ADD3: variants seen among roughly 807,000 people sequenced by gnomAD.
ADD3 encodes the protein gamma-adducin.
In ADD3, 25 loss-of-function variants were observed where a neutral mutation model predicts 80.2. The observed-to-expected ratio is 0.31, with a 90% CI of 0.23 to 0.44. ADD3 has a LOEUF of 0.44. ADD3 is among the 20% of genes least tolerant of loss of function. The pLI is 1.00. For missense variants in ADD3, 829 were observed against 847.5 expected (o/e 0.98, Z 0.27); for synonymous variants, 284 against 289.6 (o/e 0.98, Z 0.20).
chr10:110,037,599 A>G (rs1418411871), intron 1 of ADD3, among the ~76,000 whole-genome samples: 1 of 144,112 alleles, frequency 6.9e-6, no homozygotes, highest in African/African-American at 2.6e-5. Flanking sequence ...GGCAAGACTC[A>G]GTCTCAAAAA....
At chr10:110,094,384 CTCA>C (rs2133894931) in intron 1 of ADD3, among the ~76,000 whole-genome samples, 1 of 152,240 alleles carries the variant, frequency 6.6e-6, no homozygotes, top group African/African-American at 2.4e-5. Flanking sequence ...ATAGTTTCCT[CTCA>C]TCTGTAAAAA....
At chr10:110,070,160 G>A (rs1844489422) in intron 1 of ADD3, among the ~76,000 whole-genome samples, 1 of 151,926 alleles carries the variant, frequency 6.6e-6, no homozygotes, top group African/African-American at 2.4e-5. Context: ...CTTTCAAATA[G>A]GCTCCTTTCT....
intron 12 of ADD3, 63 bp from the exon 13 acceptor site, chr10:110,130,300 G>A: frequency 1.3e-6 from 2 of 1,528,074 alleles, no homozygotes; most frequent in Non-Finnish European, 1.8e-6. Context: ...ATAGATGGAT[G>A]GATGGATAGA....
intron 1 of ADD3, among the ~76,000 whole-genome samples, chr10:110,096,634 G>A (rs1848195475): frequency 2.6e-5 from 4 of 152,102 alleles, no homozygotes; most frequent in Admixed American, 2.6e-4. Context: ...GGACAGCTGG[G>A]CCTCTTTCTC....
chr10:110,065,488 GTCTC>G (rs67149777), intron 1 of ADD3, among the ~76,000 whole-genome samples: 120 of 108,176 alleles, frequency 1.1e-3, no homozygotes, highest in Middle Eastern at 4.2e-3. Flanking sequence ...GTCTCTGTCT[GTCTC>G]TCTCTCTCTC....
intron 1 of ADD3, among the ~76,000 whole-genome samples, chr10:110,029,187 A>T (rs886730623): frequency 2.0e-5 from 3 of 151,978 alleles, no homozygotes; most frequent in African/African-American, 7.2e-5. Context: ...CTCACTTTCC[A>T]TTTCTTCAAA....
chr10:110,067,827 A>G (rs1230389521), intron 1 of ADD3, among the ~76,000 whole-genome samples: 5 of 152,220 alleles, frequency 3.3e-5, no homozygotes, highest in African/African-American at 9.6e-5. Context: ...TAAGGTATAC[A>G]TCGCTTTTCT....
chr10:110,043,632 T>G (rs963381316), intron 1 of ADD3, among the ~76,000 whole-genome samples: 1 of 152,226 alleles, frequency 6.6e-6, no homozygotes, highest in East Asian at 1.9e-4. Flanking sequence ...AAAAGCTATG[T>G]TAGTCTCTTG....
chr10:110,058,111 T>TTC (rs1719036660), intron 1 of ADD3, among the ~76,000 whole-genome samples: 1 of 149,312 alleles, frequency 6.7e-6, no homozygotes, highest in South Asian at 2.1e-4. Flanking sequence ...CCTGAAGATT[T>TTC]TTTTTTTTTT....
intron 1 of ADD3, among the ~76,000 whole-genome samples, chr10:110,020,767 T>C (rs1346440445): frequency 6.6e-6 from 1 of 152,188 alleles, no homozygotes; most frequent in Non-Finnish European, 1.5e-5. Context: ...TTGATTGGAT[T>C]CTGGATATAT....
At chr10:110,113,410 G>A (rs1850302442) in intron 3 of ADD3, among the ~76,000 whole-genome samples, 1 of 152,076 alleles carries the variant, frequency 6.6e-6, no homozygotes, top group African/African-American at 2.4e-5. Flanking sequence ...TGGTATTACA[G>A]GTGCGCGCCA....
At chr10:110,016,420 A>C (rs1439126491) in intron 1 of ADD3, 3 of 152,254 alleles carry the variant, frequency 2.0e-5, no homozygotes, top group African/African-American at 7.2e-5. Flanking sequence ...GGAAAAGAGA[A>C]ACCTGAAGAA....
At chr10:110,040,911 A>ACGCGCTCTCTCTCTCT (rs1409411445) in intron 1 of ADD3, among the ~76,000 whole-genome samples, 10 of 150,850 alleles carry the variant, frequency 6.6e-5, no homozygotes, top group Non-Finnish European at 1.3e-4. Flanking sequence ...ACTTGCACGC[A>ACGCGCTCTCTCTCTCT]CGCGCTCTCT....
chr10:110,006,812 A>G (rs189970559), upstream of ADD3, among the ~76,000 whole-genome samples: 191 of 151,694 alleles, frequency 1.3e-3, 2 homozygotes, highest in African/African-American at 4.5e-3. Context: ...TCTGCAGATG[A>G]GGAAAGGAAA....
chr10:110,063,634 C>T (rs1843465441), intron 1 of ADD3, among the ~76,000 whole-genome samples: 1 of 149,684 alleles, frequency 6.7e-6, no homozygotes, highest in Non-Finnish European at 1.5e-5. Context: ...TTTTAAATCA[C>T]TTAATTTTTT....
intron 2 of ADD3, among the ~76,000 whole-genome samples, chr10:110,103,060 TA>T (rs1482375700): frequency 3.9e-5 from 6 of 152,214 alleles, no homozygotes; most frequent in Non-Finnish European, 8.8e-5. Flanking sequence ...TAAAAGTTGA[TA>T]TTTTTTTTTC....
intron 1 of ADD3, among the ~76,000 whole-genome samples, chr10:110,095,941 CTGAT>C (rs1253893640): frequency 1.3e-5 from 2 of 152,060 alleles, no homozygotes; most frequent in Non-Finnish European, 2.9e-5. Context: ...GTGGTTGCTG[CTGAT>C]TAAGGAGGGA....
At chr10:110,081,031 G>A (rs1052893879) in intron 1 of ADD3, among the ~76,000 whole-genome samples, 2 of 152,166 alleles carry the variant, frequency 1.3e-5, no homozygotes, top group African/African-American at 4.8e-5. Context: ...ATAAAATGAT[G>A]TAAGGACTTC....
At chr10:110,037,380 G>A (rs902226461) in intron 1 of ADD3, among the ~76,000 whole-genome samples, 1 of 152,048 alleles carries the variant, frequency 6.6e-6, no homozygotes. Flanking sequence ...CGAGGCAGGC[G>A]GATCACTTGA....
Sources: gnomAD v4.1 joint callset for allele counts (sites outside exome capture counted in the v4.1 genomes callset) on GRCh38, gnomAD v4.1.1 for gene constraint, MANE v1.5 for transcripts, NCBI Gene and HGNC (gene_info 2026-07-23, HGNC 2026-07-21) for gene names.